ECPAS: variants seen among roughly 807,000 people sequenced by gnomAD.
ECPAS encodes proteasome adapter and scaffold protein ECM29.
ECPAS carries 70 observed loss-of-function variants against 255.1 expected under a neutral mutation model. The ratio of observed to expected loss-of-function variants is 0.27; its 90% CI spans 0.23 to 0.33. The LOEUF (loss-of-function observed/expected upper bound fraction) is 0.33. Among genes scored for constraint, ECPAS ranks in the 10% least tolerant of loss-of-function variants. The pLI, the probability that ECPAS is intolerant of heterozygous loss-of-function variation, is 1.00. For missense variants in ECPAS, 1,817 were observed against 2,206.4 expected (o/e 0.82, Z 3.54); for synonymous variants, 784 against 775.0 (o/e 1.01, Z -0.19).
intron 1 of ECPAS, among the ~76,000 whole-genome samples, chr9:111,482,850 G>C (rs923616186): frequency 7.5e-6 from 1 of 133,954 alleles, no homozygotes; most frequent in East Asian, 2.6e-4. Flanking sequence ...TGGGATTCAG[G>C]GTGACCACCG....
At chr9:111,418,493 T>A (rs2098208004) in intron 16 of ECPAS, among the ~76,000 whole-genome samples, 1 of 152,026 alleles carries the variant, frequency 6.6e-6, no homozygotes, top group African/African-American at 2.4e-5. Flanking sequence ...ACCTAGAGAC[T>A]GATCTCAGCA....
intron 17 of ECPAS, 112 bp downstream of exon 17, chr9:111,417,771 A>C: frequency 8.8e-7 from 1 of 1,134,024 alleles, no homozygotes. Context: ...AAAGAAAAGA[A>C]AAAGAAATTT....
intron 7 of ECPAS, among the ~76,000 whole-genome samples, chr9:111,435,991 G>C (rs1226153246): frequency 4.1e-5 from 6 of 147,750 alleles, no homozygotes; most frequent in African/African-American, 1.2e-4. Flanking sequence ...CCCGGCCTCT[G>C]TTAATTCTTT....
Position 111,361,026 on chromosome 9 carries a change from G to A in ECPAS, c.*1004C>T, listed in dbSNP as rs2098112769. ...AATGATTTACTTGGAGTGGTATCAT[G>A]TTCTTTTGAGAAAAGGCATTTTTTA... is the stretch of plus-strand genomic sequence containing the variant. On this transcript the variant is annotated 3_prime_UTR_variant, in exon 50 of 50. Transcript: ENST00000684092. The A allele has an allele frequency of 6.6e-6, 1 of 152,178 alleles. No homozygotes were observed. Among genetic ancestry groups the A allele is most frequent in the African/African-American group, 2.4e-5 (1 of 41,440 alleles). The allele number at this position is 152,178 out of a possible 1,614,324, so 9.4% of individuals were successfully genotyped here.
At chr9:111,368,966 G>C (rs1589110012) in intron 46 of ECPAS, 69 bp downstream of exon 46, 1 of 1,351,118 alleles carries the variant, frequency 7.4e-7, no homozygotes, top group Non-Finnish European at 9.9e-7. Context: ...ATTTGTCATA[G>C]AGAAAATTCT....
intron 46 of ECPAS, among the ~76,000 whole-genome samples, 169 bp from the exon 47 acceptor site, chr9:111,366,796 T>G (rs754281427): frequency 2.0e-4 from 30 of 152,054 alleles, no homozygotes; most frequent in African/African-American, 3.4e-4. Flanking sequence ...AATAAAACAA[T>G]AAATACTTTT....
At chr9:111,401,913 C>T (rs143299750) in intron 24 of ECPAS, among the ~76,000 whole-genome samples, 23 of 152,260 alleles carry the variant, frequency 1.5e-4, no homozygotes, top group South Asian at 8.3e-4. Context: ...TCTTTTTCAG[C>T]GTGCACTGAT....
chr9:111,389,879 C>T, intron 30 of ECPAS, 105 bp downstream of exon 30: 1 of 1,118,076 alleles, frequency 8.9e-7, no homozygotes, highest in Non-Finnish European at 1.3e-6. Flanking sequence ...TCATCAGGCA[C>T]AGACTTTCAC....
intron 5 of ECPAS, among the ~76,000 whole-genome samples, chr9:111,441,272 G>A (rs1431144580): frequency 6.6e-6 from 1 of 152,100 alleles, no homozygotes; most frequent in Non-Finnish European, 1.5e-5. Context: ...GGGAGGCCAA[G>A]GTGGGCAGAT....
rs991272186 is a variant in ECPAS, at chr9:111,371,836, A to G, written c.4529-7T>C. 1.9e-6 allele frequency: 3 copies of G among 1,594,762 alleles called. No homozygotes were observed. The highest frequency in any genetic ancestry group is 2.7e-5 in the African/African-American group (2 of 73,998). ...CGAATGCCACCAAAGGATCCTAGGA[A>G]AGCAAAATTAAAACAACTTTTAAGT... On this transcript the variant is annotated splice_region_variant and splice_polypyrimidine_tract_variant and intron_variant, in intron 42 of 49. Transcript: ENST00000684092.
At chr9:111,399,386 T>C (rs960086503) in intron 24 of ECPAS, among the ~76,000 whole-genome samples, 3 of 152,130 alleles carry the variant, frequency 2.0e-5, no homozygotes, top group African/African-American at 7.2e-5. Flanking sequence ...ATACCACCCC[T>C]CCCCGAGTCC....
chr9:111,413,806 C>G, intron 20 of ECPAS, 89 bp downstream of exon 20: 1 of 762,986 alleles, frequency 1.3e-6, no homozygotes. Context: ...CAGAAAAGGT[C>G]ATAGGGATCC....
In ECPAS at chr9:111,403,807, C is replaced by A. The variant is rs564044170; in HGVS notation, c.2652+4764G>T. ...TTTCATCCAACTGCTATAGAATACA[C>A]GTTTTCTCATCAGCACATGGAACAT... On this transcript the variant is annotated intron_variant, in intron 24 of 49. Coordinates refer to ENST00000684092, the MANE Select transcript of ECPAS (RefSeq NM_001364929.1). Among the ~76,000 whole-genome samples the A allele has an allele frequency of 2.7e-5, 4 of 149,918 alleles. No homozygotes were observed. The South Asian group carries it at 8.4e-4, about 31-fold the overall frequency.
intron 2 of ECPAS, among the ~76,000 whole-genome samples, chr9:111,469,583 G>A (rs1230955475): frequency 6.6e-6 from 1 of 152,062 alleles, no homozygotes; most frequent in Admixed American, 6.6e-5. Flanking sequence ...GGCCGAGGTG[G>A]ATGGATCACA....
At chr9:111,409,425 T>C (rs2098190477) in intron 23 of ECPAS, among the ~76,000 whole-genome samples, 1 of 152,106 alleles carries the variant, frequency 6.6e-6, no homozygotes, top group South Asian at 2.1e-4. Context: ...CTGGGCATGG[T>C]GGCGTGCGCC....
At chr9:111,375,308 T>A (rs1255814449) in intron 37 of ECPAS, 106 bp from the exon 38 acceptor site, 1 of 780,174 alleles carries the variant, frequency 1.3e-6, no homozygotes, top group Non-Finnish European at 2.2e-6. Context: ...GGATTTGACA[T>A]GAAGTTGAAA....
rs376830479 is a variant in ECPAS, at chr9:111,378,679, C to T, written c.3855G>A (p.Pro1285=). The change falls in exon 36 of 50, where the codon CCG becomes CCA. Residue 1285 remains proline, a synonymous_variant. Transcript: ENST00000684092. Reference sequence around the variant, plus strand: ...GAGCTGGAATGAGTTTTGGTGCATGCGGTTTCAACATGGCTCCTGCACTTT... The same window carrying T: ...GAGCTGGAATGAGTTTTGGTGCATGTGGTTTCAACATGGCTCCTGCACTTT... ...ISKSAGAMLK[P]HAPKLIPALL... 1.4e-4 allele frequency: 223 copies of T among 1,613,660 alleles called. 3 individuals are homozygous for T. The South Asian group carries it at 2.0e-3, about 14-fold the overall frequency.
intron 30 of ECPAS, 59 bp from the exon 31 acceptor site, chr9:111,389,782 C>T: frequency 6.6e-7 from 1 of 1,506,344 alleles, no homozygotes; most frequent in South Asian, 1.3e-5. Context: ...ATTAACATAG[C>T]AAAAAATTCT....
chr9:111,384,161 T>C (rs184916831), intron 34 of ECPAS, among the ~76,000 whole-genome samples: 76 of 152,294 alleles, frequency 5.0e-4, no homozygotes, highest in African/African-American at 1.8e-3. Context: ...AAGTGGGAGA[T>C]AATTTAGTTT....
Sources: gnomAD v4.1 joint callset for allele counts (sites outside exome capture counted in the v4.1 genomes callset) on GRCh38, gnomAD v4.1.1 for gene constraint, MANE v1.5 for transcripts, NCBI Gene and HGNC (gene_info 2026-07-23, HGNC 2026-07-21) for gene names.